Variants in ZSWIM5 observed in about 807,000 individuals in gnomAD.
The protein encoded by ZSWIM5 is zinc finger SWIM domain-containing protein 5.
A neutral mutation model predicts 119.6 loss-of-function variants in ZSWIM5; 55 were observed. The ratio of observed to expected loss-of-function variants is 0.46; its 90% CI spans 0.37 to 0.58. The LOEUF is 0.58. Ranked by LOEUF, ZSWIM5 falls within the 20% of genes least tolerant of loss-of-function variation. ZSWIM5 has a pLI of 0.00. For synonymous variants in ZSWIM5, 537 were observed against 606.9 expected (o/e 0.88, Z 1.69); for missense variants, 1,193 against 1,512.8 (o/e 0.79, Z 3.51).
intron 1 of ZSWIM5, among the ~76,000 whole-genome samples, chr1:45,139,465 T>C (rs1197146746): frequency 8.4e-6 from 1 of 119,614 alleles, no homozygotes; most frequent in African/African-American, 3.2e-5. Context: ...TCTCCCTCCC[T>C]CTCTCTCTCT....
At chr1:45,058,483 A>G in intron 4 of ZSWIM5, 126 bp downstream of exon 4, 1 of 1,230,426 alleles carries the variant, frequency 8.1e-7, no homozygotes, top group Non-Finnish European at 1.1e-6. Flanking sequence ...CCTCTGTAGA[A>G]CCTAAGTCTT....
At chr1:45,119,794 C>T (rs77583194) in intron 1 of ZSWIM5, among the ~76,000 whole-genome samples, 1 of 152,158 alleles carries the variant, frequency 6.6e-6, no homozygotes, top group Non-Finnish European at 1.5e-5. Flanking sequence ...TAATGACTTA[C>T]AATCCCAAAA....
intron 1 of ZSWIM5, among the ~76,000 whole-genome samples, chr1:45,110,719 G>T (rs774113221): frequency 6.6e-6 from 1 of 152,096 alleles, no homozygotes; most frequent in Non-Finnish European, 1.5e-5. Flanking sequence ...AAGTCTCTAC[G>T]GAAATAGTGC....
At chr1:45,193,022 T>C (rs1172502678) in intron 1 of ZSWIM5, among the ~76,000 whole-genome samples, 1 of 152,174 alleles carries the variant, frequency 6.6e-6, no homozygotes, top group Non-Finnish European at 1.5e-5. Context: ...GAGTTGTAGT[T>C]CTTTAATATA....
At chr1:45,169,865 T>G (rs2149044920) in intron 1 of ZSWIM5, among the ~76,000 whole-genome samples, 1 of 152,176 alleles carries the variant, frequency 6.6e-6, no homozygotes, top group East Asian at 1.9e-4. Context: ...CTAAAAAAAG[T>G]ATTAAAACCT....
In ZSWIM5 at chr1:45,191,734, G is replaced by C. The variant is rs534951376; in HGVS notation, c.595+14022C>G. Among the ~76,000 whole-genome samples the C allele has an allele frequency of 2.0e-5, 3 of 152,296 alleles. No individual in the cohort carries two copies. The East Asian group carries it at 5.8e-4, about 29-fold the overall frequency. On this transcript the variant is annotated intron_variant, in intron 1 of 13. Transcript: ENST00000359600. ...GTGGCAGAACTGGGATTTGGGCCCA[G>C]GTCTCCAAACACGGCACTTAGGAAT...
At chr1:45,198,203 C>T (rs532414006) in intron 1 of ZSWIM5, among the ~76,000 whole-genome samples, 33 of 152,292 alleles carry the variant, frequency 2.2e-4, no homozygotes, top group African/African-American at 7.9e-4. Context: ...ACCACAGCAT[C>T]CAGATCAGCT....
At chr1:45,121,058 T>G (rs1371582162) in intron 1 of ZSWIM5, among the ~76,000 whole-genome samples, 3 of 152,048 alleles carry the variant, frequency 2.0e-5, no homozygotes. Flanking sequence ...CACGCCATTC[T>G]CCTGCCTTAG....
intron 1 of ZSWIM5, among the ~76,000 whole-genome samples, chr1:45,145,211 G>A (rs923098699): frequency 1.3e-5 from 2 of 152,064 alleles, no homozygotes; most frequent in African/African-American, 2.4e-5. Context: ...CTTTGCTGGC[G>A]TGAATACAAA....
At chr1:45,142,318 C>T (rs1645732186) in intron 1 of ZSWIM5, among the ~76,000 whole-genome samples, 1 of 152,164 alleles carries the variant, frequency 6.6e-6, no homozygotes, top group South Asian at 2.1e-4. Context: ...CCAACATTCA[C>T]CAAAGATTAA....
intron 1 of ZSWIM5, among the ~76,000 whole-genome samples, chr1:45,156,107 G>A (rs1473581983): frequency 6.6e-6 from 1 of 152,126 alleles, no homozygotes; most frequent in East Asian, 1.9e-4. Context: ...TATACACCAT[G>A]GAATACTACA....
At chr1:45,198,082 C>A (rs1317600045) in intron 1 of ZSWIM5, among the ~76,000 whole-genome samples, 1 of 152,228 alleles carries the variant, frequency 6.6e-6, no homozygotes, top group South Asian at 2.1e-4. Context: ...CGAGGACAGA[C>A]AATTACAGCA....
At chr1:45,105,486 C>G (rs536386828) in intron 1 of ZSWIM5, among the ~76,000 whole-genome samples, 1 of 150,216 alleles carries the variant, frequency 6.7e-6, no homozygotes, top group East Asian at 2.0e-4. Flanking sequence ...CCGGCCGCCC[C>G]GAATGGGAAG....
At position 45,051,077 on chromosome 1, in the gene ZSWIM5, G is replaced by T. The variant is rs1220050900; in HGVS notation, c.1429C>A (p.Pro477Thr). ...CCTAAAAGGACACTTGGCTCACCTGGGCTGTGAATGGCACTCTGGGGAAGT... is the reference window on the plus strand; with the variant it reads ...CCTAAAAGGACACTTGGCTCACCTGTGCTGTGAATGGCACTCTGGGGAAGT... ...NALPQSAIHS[P>T]DSLSRPRRTV... The change falls in exon 5 of 14, where the codon CCA becomes ACA. Residue 477 changes from proline to threonine, a missense_variant. By Grantham distance (38) the Pro-to-Thr change is conservative. Transcript: ENST00000359600. 1 of 1,612,756 alleles carries T rather than the reference G, an allele frequency of 6.2e-7. No individual in the cohort carries two copies.
intron 2 of ZSWIM5, among the ~76,000 whole-genome samples, chr1:45,065,960 C>T (rs531325715): frequency 6.6e-5 from 10 of 151,506 alleles, no homozygotes; most frequent in Non-Finnish European, 1.5e-4. Context: ...GTGCTGCATC[C>T]ATTAACTCGT....
chr1:45,128,477 G>C lies in ZSWIM5; in HGVS notation c.596-40240C>G, dbSNP rs975989083. On this transcript the variant is annotated intron_variant, in intron 1 of 13. Transcript: ENST00000359600. ...GCCTCCCAAAGTGCTGGGATTACAG[G>C]TGTATGCCACCGCCCCTGGCCCACT... is the stretch of plus-strand genomic sequence containing the variant. Among the ~76,000 whole-genome samples the C allele has an allele frequency of 3.3e-5, 5 of 152,316 alleles. No homozygotes were observed. In the East Asian group the frequency reaches 7.7e-4, roughly 24 times the overall value.
intron 11 of ZSWIM5, among the ~76,000 whole-genome samples, chr1:45,033,348 G>T (rs1006021765): frequency 6.6e-6 from 1 of 152,054 alleles, no homozygotes; most frequent in Non-Finnish European, 1.5e-5. Flanking sequence ...TAATAAGCAT[G>T]TATTTTTGGG....
At chr1:45,045,727 C>T (rs1457486650) in intron 5 of ZSWIM5, among the ~76,000 whole-genome samples, 1 of 152,178 alleles carries the variant, frequency 6.6e-6, no homozygotes, top group Admixed American at 6.5e-5. Flanking sequence ...CAAATAATTT[C>T]TGCCTACTAT....
chr1:45,084,464 A>T (rs139803621), intron 2 of ZSWIM5, among the ~76,000 whole-genome samples: 1 of 152,318 alleles, frequency 6.6e-6, no homozygotes, highest in East Asian at 1.9e-4. Flanking sequence ...CCCAAGTCTT[A>T]ACTCATTTCA....
Sources: allele counts gnomAD v4.1 joint callset (sites outside exome capture counted in the v4.1 genomes callset), GRCh38; gene constraint gnomAD v4.1.1; transcripts MANE v1.5; gene names NCBI Gene and HGNC (gene_info 2026-07-23, HGNC 2026-07-21).